The following ZNF423 variants were observed in gnomAD, a reference collection of about 807,000 sequenced individuals.
ZNF423 encodes the protein Ebf-associated zinc finger protein.
ZNF423 carries 12 observed loss-of-function variants against 95.8 expected under a neutral mutation model. The observed-to-expected ratio is 0.13, with a 90% CI of 0.08 to 0.20. The LOEUF is 0.20. ZNF423 is among the 10% of genes least tolerant of loss of function. The pLI is 1.00. For missense variants in ZNF423, 1,316 were observed against 1,737.1 expected, an observed-to-expected ratio of 0.76 and a Z score of 4.31; for synonymous variants, 749 against 711.9, an observed-to-expected ratio of 1.05 and a Z score of -0.83.
intron 1 of ZNF423, among the ~76,000 whole-genome samples, chr16:49,837,773 G>C (rs2035136396): frequency 6.6e-6 from 1 of 152,238 alleles, no homozygotes; most frequent in Non-Finnish European, 1.5e-5. Context: ...AAGGCAGGCA[G>C]AGGCAGCCCT....
chr16:49,744,124 G>T lies in ZNF423; in HGVS notation c.101-13153C>A, dbSNP rs527338456. Among the ~76,000 whole-genome samples, 10 of 152,304 alleles carry T rather than the reference G, an allele frequency of 6.6e-5. No individual in the cohort carries two copies. In the South Asian group the frequency reaches 2.1e-3, roughly 32 times the overall value. ...CGCTTACCCTCATCCACTTGCTCAG[G>T]TCTGCCGGCTTTCTGCCGACTTCCC... On this transcript the variant is annotated intron_variant, in intron 2 of 7. Transcript: ENST00000563137.
At chr16:49,651,759 G>T (rs966662145) in intron 3 of ZNF423, among the ~76,000 whole-genome samples, 1 of 152,012 alleles carries the variant, frequency 6.6e-6, no homozygotes, top group Admixed American at 6.6e-5. Context: ...ATAGTCACTG[G>T]CTACTGGCTC....
At chr16:49,644,564 G>A (rs12923425) in intron 3 of ZNF423, among the ~76,000 whole-genome samples, 10,964 of 149,228 alleles carry the variant, frequency 0.073, 472 homozygotes, top group African/African-American at 0.11. Flanking sequence ...TTGGGAGGCC[G>A]AGGCAGGAGG....
At chr16:49,763,881 T>A (rs1435671958) in intron 2 of ZNF423, among the ~76,000 whole-genome samples, 2 of 152,112 alleles carry the variant, frequency 1.3e-5, no homozygotes, top group East Asian at 3.9e-4. Context: ...ATTTGCTGGG[T>A]AGCTCGTTTA....
intron 1 of ZNF423, among the ~76,000 whole-genome samples, chr16:49,816,313 A>G (rs541967835): frequency 6.6e-6 from 1 of 152,224 alleles, no homozygotes; most frequent in South Asian, 2.1e-4. Flanking sequence ...TTCCCCCAGG[A>G]TTTCAAAGCA....
At chr16:49,640,495 C>T (rs551662429) in intron 3 of ZNF423, among the ~76,000 whole-genome samples, 5 of 152,142 alleles carry the variant, frequency 3.3e-5, no homozygotes, top group African/African-American at 1.2e-4. Flanking sequence ...TGTCCCAGGC[C>T]GATCCTAAGA....
chr16:49,514,703 G>T (rs577765201), intron 7 of ZNF423, among the ~76,000 whole-genome samples: 26 of 152,348 alleles, frequency 1.7e-4, no homozygotes, highest in African/African-American at 6.3e-4. Flanking sequence ...CAAGCAAACA[G>T]CATGAGCTAA....
intron 3 of ZNF423, among the ~76,000 whole-genome samples, chr16:49,692,317 G>A (rs905849242): frequency 1.3e-5 from 2 of 152,056 alleles, no homozygotes; most frequent in Non-Finnish European, 2.9e-5. Context: ...CTATAAGGGG[G>A]AAAACGATGA....
In ZNF423 at chr16:49,646,574, C is replaced by CTTTTTTTTTTTTTTTTTTTTTT. The variant is rs71380366; in HGVS notation, c.302-7701_302-7700insAAAAAAAAAAAAAAAAAAAAAA. 2.7e-4 allele frequency among the ~76,000 whole-genome samples: 32 copies of CTTTTTTTTTTTTTTTTTTTTTT among 117,984 alleles called. 1 individual carries two copies. Among genetic ancestry groups the CTTTTTTTTTTTTTTTTTTTTTT allele is most frequent in the East Asian group, 9.7e-4 (4 of 4,144 alleles). 77.4% of individuals were successfully genotyped at this position (117,984 alleles called of 152,430 possible). ...TTATGGCACATTTTCTTTTCTTTTT[C>CTTTTTTTTTTTTTTTTTTTTTT]TTTTTTTTTTTTTTGAGAAGGAGTC... On this transcript the variant is annotated intron_variant, in intron 3 of 7. Transcript: ENST00000563137.
intron 5 of ZNF423, among the ~76,000 whole-genome samples, chr16:49,591,105 G>A (rs1463565860): frequency 6.6e-6 from 1 of 152,240 alleles, no homozygotes; most frequent in Non-Finnish European, 1.5e-5. Flanking sequence ...TATGGGCATT[G>A]TAACTCCACT....
chr16:49,771,192 C>CTT (rs71380376), intron 2 of ZNF423, among the ~76,000 whole-genome samples: 70 of 89,472 alleles, frequency 7.8e-4, no homozygotes, highest in Middle Eastern at 8.2e-3. Context: ...TTTTTTTTTT[C>CTT]TTTTTTTTTT....
intron 2 of ZNF423, among the ~76,000 whole-genome samples, chr16:49,734,618 C>G (rs561260437): frequency 1.3e-5 from 2 of 152,186 alleles, no homozygotes; most frequent in Admixed American, 6.5e-5. Flanking sequence ...GAAGACAGCT[C>G]GCTCAGGGAA....
intron 5 of ZNF423, among the ~76,000 whole-genome samples, chr16:49,545,640 G>A (rs11643014): frequency 0.023 from 3,471 of 152,352 alleles, 79 homozygotes; most frequent in Non-Finnish European, 0.037. Flanking sequence ...AGATTTTGCA[G>A]TTTGGGGTAC....
chr16:49,846,455 C>A (rs554981209), intron 1 of ZNF423, among the ~76,000 whole-genome samples: 1 of 152,344 alleles, frequency 6.6e-6, no homozygotes, highest in East Asian at 1.9e-4. Context: ...TCCTTTTCAA[C>A]CTGTGTTTTT....
At chr16:49,798,798 A>G (rs1456531363) in intron 1 of ZNF423, among the ~76,000 whole-genome samples, 1 of 152,000 alleles carries the variant, frequency 6.6e-6, no homozygotes, top group Non-Finnish European at 1.5e-5. Context: ...GCTACTACAG[A>G]CTCCTCATAA....
At chr16:49,680,095 C>T (rs1014279503) in intron 3 of ZNF423, among the ~76,000 whole-genome samples, 4 of 152,154 alleles carry the variant, frequency 2.6e-5, no homozygotes, top group African/African-American at 7.2e-5. Flanking sequence ...CTACCCACTG[C>T]GGTCTCCTCT....
chr16:49,672,874 A>G (rs1384627859), intron 3 of ZNF423, among the ~76,000 whole-genome samples: 1 of 152,218 alleles, frequency 6.6e-6, no homozygotes, highest in African/African-American at 2.4e-5. Flanking sequence ...CTCCGAAAAA[A>G]GAGTGGAGCA....
chr16:49,747,133 G>A (rs1043085242), intron 2 of ZNF423, among the ~76,000 whole-genome samples: 20 of 152,130 alleles, frequency 1.3e-4, no homozygotes, highest in African/African-American at 3.4e-4. Context: ...GTGAAAGTCC[G>A]CCGTGAGAGT....
chr16:49,689,286 A>G (rs904463159), intron 3 of ZNF423, among the ~76,000 whole-genome samples: 12 of 151,668 alleles, frequency 7.9e-5, no homozygotes, highest in Non-Finnish European at 1.6e-4. Context: ...TACAAAAAAA[A>G]AAAAAAAGAT....
Sources: gnomAD v4.1 joint callset for allele counts (sites outside exome capture counted in the v4.1 genomes callset) on GRCh38, gnomAD v4.1.1 for gene constraint, MANE v1.5 for transcripts, NCBI Gene and HGNC (gene_info 2026-07-23, HGNC 2026-07-21) for gene names.